MYO7B: variants seen among roughly 807,000 people sequenced by gnomAD.
MYO7B encodes myosin VIIB, also known as unconventional myosin-VIIb.
A neutral mutation model predicts 259.7 loss-of-function variants in MYO7B; 212 were observed. That is an observed-to-expected ratio of 0.82 (90% confidence interval 0.73 to 0.91). The LOEUF (loss-of-function observed/expected upper bound fraction) is 0.91, where lower values mean the gene tolerates loss of function less well. Among genes scored for constraint, MYO7B ranks in the 40% least tolerant of loss-of-function variants. MYO7B has a pLI of 0.00. For synonymous variants in MYO7B, 1,197 were observed against 1,166.4 expected, an observed-to-expected ratio of 1.03 and a Z score of -0.54; for missense variants, 2,732 against 2,813.5, an observed-to-expected ratio of 0.97 and a Z score of 0.66.
chr2:127,624,388 C>A, intron 30 of MYO7B, 68 bp downstream of exon 30: 1 of 1,433,328 alleles, frequency 7.0e-7, no homozygotes, highest in Non-Finnish European at 9.4e-7. Context: ...GAGGAGGCAC[C>A]CAACTGGCTT....
Position 127,573,881 on chromosome 2 carries a change from T to A in MYO7B, c.593-39T>A, listed in dbSNP as rs760653119. 4.3e-6 allele frequency: 7 copies of A among 1,612,880 alleles called. No homozygotes were observed. The South Asian group carries it at 7.7e-5, about 18-fold the overall frequency. On this transcript the variant is annotated intron_variant, in intron 6 of 47. Coordinates refer to ENST00000409816, the MANE Select transcript of MYO7B (RefSeq NM_001393586.1). ...ATCCCACTCAAATTACATTTTCTCC[T>A]CTCTGCTCCCATCATGGGCATCGCC...
At position 127,539,834 on chromosome 2, in the gene MYO7B, C is replaced by T. The variant is rs556035090; in HGVS notation, c.-24+4003C>T. 6.6e-6 allele frequency among the ~76,000 whole-genome samples: 1 copy of T among 152,356 alleles called. No individual in the cohort carries two copies. Among genetic ancestry groups the T allele is most frequent in the South Asian group, 2.1e-4 (1 of 4,832 alleles). ...TAGTCTTTTGTTGCTCACCCAGCTC[C>T]AGCCTTCCCCCGAAAGTCCCCAAAG... On this transcript the variant is annotated intron_variant, in intron 1 of 47. Transcript: ENST00000409816. The surrounding 1 kb of genome is among the most constrained non-coding windows in gnomAD (Gnocchi z 4.0).
intron 1 of MYO7B, among the ~76,000 whole-genome samples, chr2:127,545,360 C>T (rs1693181649): frequency 6.6e-6 from 1 of 152,222 alleles, no homozygotes; most frequent in African/African-American, 2.4e-5. Flanking sequence ...AGCGGGCCTC[C>T]TGGGTGGGCC....
intron 47 of MYO7B, 36 bp from the exon 48 acceptor site, chr2:127,637,280 C>A: frequency 6.8e-7 from 1 of 1,481,156 alleles, no homozygotes; most frequent in Non-Finnish European, 9.1e-7. Context: ...CTGCCCTCTG[C>A]ACCCACAGCC....
intron 16 of MYO7B, 132 bp from the exon 17 acceptor site, chr2:127,592,662 G>T: frequency 8.5e-7 from 1 of 1,173,854 alleles, no homozygotes. Flanking sequence ...GAGGACAGTG[G>T]GGGTGGGCGG....
At chr2:127,555,521 T>C (rs1474451200) in intron 1 of MYO7B, among the ~76,000 whole-genome samples, 1 of 152,238 alleles carries the variant, frequency 6.6e-6, no homozygotes, top group Non-Finnish European at 1.5e-5. Flanking sequence ...GATTTTTTGA[T>C]GTAGGCATTT....
At chr2:127,632,151 C>T in intron 38 of MYO7B, 95 bp from the exon 39 acceptor site, 10 of 1,428,222 alleles carry the variant, frequency 7.0e-6, no homozygotes, top group Non-Finnish European at 9.4e-6. Flanking sequence ...CTCTAGACCC[C>T]AGGCAGCTCT....
intron 43 of MYO7B, 99 bp downstream of exon 43, chr2:127,635,325 TCA>T: frequency 8.5e-7 from 1 of 1,169,830 alleles, no homozygotes; most frequent in Non-Finnish European, 1.2e-6. Flanking sequence ...AGGGCCAGCC[TCA>T]GCCCTGGGTA....
chr2:127,629,535 C>T, intron 34 of MYO7B, 110 bp from the exon 35 acceptor site: 2 of 1,104,802 alleles, frequency 1.8e-6, no homozygotes, highest in Non-Finnish European at 2.6e-6. Context: ...GGTCTTCTGC[C>T]CACCACTCTA....
Position 127,586,598 on chromosome 2 carries a change from G to C in MYO7B, c.1690+1685G>C, listed in dbSNP as rs1198581897. ...AGGCTGGAGCCAGTCGGACCTGCAG[G>C]GTCCTGGGACGCAAAGAAGATACCG... On this transcript the variant is annotated intron_variant, in intron 14 of 47. Transcript: ENST00000409816. This position sits in a 1 kb window ranked among gnomAD's most constrained non-coding sequence, Gnocchi z 4.8. Among the ~76,000 whole-genome samples the C allele has an allele frequency of 6.6e-6, 1 of 152,144 alleles. No homozygotes were observed. Among genetic ancestry groups the C allele is most frequent in the Admixed American group, 6.5e-5 (1 of 15,270 alleles).
chr2:127,626,607 C>T (rs1032280129), intron 31 of MYO7B: 1 of 182,654 alleles, frequency 5.5e-6, no homozygotes, highest in East Asian at 1.7e-4. Flanking sequence ...GTGGCAAGAC[C>T]CCCTCTACTA....
chr2:127,609,460 T>G lies in MYO7B; in HGVS notation c.2815-46T>G, dbSNP rs2105032305. The G allele has an allele frequency of 1.3e-6, 2 of 1,553,810 alleles. No homozygotes were observed. The highest frequency in any genetic ancestry group is 1.2e-5 in the South Asian group (1 of 85,346). On this transcript the variant is annotated intron_variant, in intron 22 of 47. Transcript: ENST00000409816. This position sits in a 1 kb window ranked among gnomAD's most constrained non-coding sequence, Gnocchi z 6.9. ...GGACAGTCAGCTGATGGGTTGGTTGTTACCTGAAAGCCCTGCTGACCCGTG... is the reference window on the plus strand; with the variant it reads ...GGACAGTCAGCTGATGGGTTGGTTGGTACCTGAAAGCCCTGCTGACCCGTG...
In MYO7B at chr2:127,627,045, A is replaced by C; in HGVS notation, c.4286A>C (p.Gln1429Pro). ...CAGGTGGTGGACGCCGCCCGCCTGC[A>C]GTGGCCGCTGCTCTTCTCCCGGCTC... ...REQVVDAARL[Q>P]WPLLFSRLFE... Residue 1429 changes from glutamine (Q) to proline (P), a missense_variant, in exon 32 of 48, where the codon CAG becomes CCG. Gln to Pro is a moderately conservative substitution (Grantham distance 76). Transcript: ENST00000409816. The surrounding 1 kb of genome is among the most constrained non-coding windows in gnomAD (Gnocchi z 5.6). The C allele has an allele frequency of 6.2e-7, 1 of 1,612,328 alleles. No individual in the cohort carries two copies. Among genetic ancestry groups the C allele is most frequent in the Non-Finnish European group, 8.5e-7 (1 of 1,179,606 alleles).
chr2:127,587,925 C>G (rs1044239215), intron 14 of MYO7B, among the ~76,000 whole-genome samples: 1 of 152,182 alleles, frequency 6.6e-6, no homozygotes, highest in African/African-American at 2.4e-5. Flanking sequence ...TCCTAATGAC[C>G]TCATTTTACT....
At chr2:127,621,914 T>G (rs1558842189) in intron 27 of MYO7B, 68 bp from the exon 28 acceptor site, 4 of 1,548,330 alleles carry the variant, frequency 2.6e-6, no homozygotes, top group African/African-American at 1.4e-5. Context: ...TAAGTCCACC[T>G]GGGTGGTGAG....
rs1339282040 is a variant in MYO7B, at chr2:127,565,342, TG to T, written c.244del (p.Val82CysfsTer5). Reference protein sequence around the residue: ...IRLGDLNEAGMVHNLLIRYQQ... With the variant: ...IRLGDLNEAGXVHNLLIRYQQ... ...CTGGGGGACCTGAACGAGGCAGGCA[TG>T]GTGCACAACCTCCTGATCCGCTACC... On this transcript the variant is annotated frameshift_variant, in exon 4 of 48. Coordinates refer to ENST00000409816, the MANE Select transcript of MYO7B (RefSeq NM_001393586.1). LOFTEE classifies it high-confidence loss of function. 1.2e-6 allele frequency: 2 copies of T among 1,614,024 alleles called. No homozygotes were observed. The highest frequency in any genetic ancestry group is 1.7e-6 in the Non-Finnish European group (2 of 1,179,878).
chr2:127,569,947 C>A, intron 6 of MYO7B, 37 bp downstream of exon 6: 2 of 1,589,634 alleles, frequency 1.3e-6, no homozygotes, highest in African/African-American at 1.3e-5. Flanking sequence ...TCTCCCCCAG[C>A]CCCCCTGGAG....
In MYO7B at chr2:127,609,788, AGAAG is replaced by A; in HGVS notation, c.3025-55_3025-52del. ...GGGGTGTGAGCTATGGCTCGGGGAA[AGAAG>A]GAAGGGGCCATAGTCACTGATGGGT... On this transcript the variant is annotated intron_variant, in intron 23 of 47. Transcript: ENST00000409816. The surrounding 1 kb of genome is among the most constrained non-coding windows in gnomAD (Gnocchi z 6.9). The A allele has an allele frequency of 1.2e-6, 2 of 1,610,982 alleles. No individual in the cohort carries two copies. The highest frequency in any genetic ancestry group is 3.3e-5 in the Admixed American group (2 of 59,968).
At position 127,627,871 on chromosome 2, in the gene MYO7B, C is replaced by A. The variant is rs1681232534; in HGVS notation, c.4461-501C>A. On this transcript the variant is annotated intron_variant, in intron 33 of 47. Transcript: ENST00000409816. This position sits in a 1 kb window ranked among gnomAD's most constrained non-coding sequence, Gnocchi z 5.6. ...GAAGCACACAACAGAGTGGCACATG[C>A]ATCTCTGGGCTGTGCCAGGTGTACA... 2 of 458,496 alleles carry A rather than the reference C, an allele frequency of 4.4e-6. No individual in the cohort carries two copies. The highest frequency in any genetic ancestry group is 4.4e-6 in the Non-Finnish European group (1 of 228,274). The allele number at this position is 458,496 out of a possible 1,614,324, so 28.4% of individuals were successfully genotyped here.
Sources: allele counts gnomAD v4.1 joint callset (sites outside exome capture counted in the v4.1 genomes callset), GRCh38; gene constraint gnomAD v4.1.1; non-coding constraint Gnocchi (gnomAD v3.1); transcripts MANE v1.5; gene names NCBI Gene and HGNC (gene_info 2026-07-23, HGNC 2026-07-21).